Variants in SLC16A10 observed in about 807,000 individuals in gnomAD.
SLC16A10 encodes solute carrier family 16 member 10, also known as monocarboxylate transporter 10.
A neutral mutation model predicts 40.0 loss-of-function variants in SLC16A10; 27 were observed. The ratio of observed to expected loss-of-function variants is 0.67; its 90% CI spans 0.50 to 0.93. The LOEUF (loss-of-function observed/expected upper bound fraction) is 0.93, where lower values mean the gene tolerates loss of function less well. Among genes scored for constraint, SLC16A10 ranks in the 40% least tolerant of loss-of-function variants. SLC16A10 has a pLI of 0.00. For synonymous variants in SLC16A10, 213 were observed against 249.8 expected (o/e 0.85, Z 1.39); for missense variants, 529 against 658.2 (o/e 0.80, Z 2.15).
chr6:111,101,405 A>G (rs11759794), intron 1 of SLC16A10, among the ~76,000 whole-genome samples: 30 of 152,192 alleles, frequency 2.0e-4, no homozygotes, highest in South Asian at 4.2e-4. Flanking sequence ...GTAATCTGGT[A>G]CAGACACCTG....
At chr6:111,132,349 G>A (rs543491793) in intron 1 of SLC16A10, among the ~76,000 whole-genome samples, 2 of 152,304 alleles carry the variant, frequency 1.3e-5, no homozygotes, top group Admixed American at 1.3e-4. Context: ...ATTGATAATT[G>A]AAGGTCTTCT....
intron 1 of SLC16A10, among the ~76,000 whole-genome samples, chr6:111,100,561 G>A (rs1352366070): frequency 6.6e-6 from 1 of 151,932 alleles, no homozygotes; most frequent in Non-Finnish European, 1.5e-5. Context: ...GCTAATTTTT[G>A]TATTTTTAGT....
chr6:111,127,453 T>C (rs186605288), intron 1 of SLC16A10, among the ~76,000 whole-genome samples: 246 of 152,262 alleles, frequency 1.6e-3, no homozygotes, highest in Non-Finnish European at 3.0e-3. Flanking sequence ...TGTGTAGGGT[T>C]TGTAGGCCAG....
chr6:111,193,181 A>C, intron 3 of SLC16A10: 1 of 446,470 alleles, frequency 2.2e-6, no homozygotes, highest in Non-Finnish European at 3.0e-6. Flanking sequence ...AATGATTAAG[A>C]CACCTTCTCT....
At chr6:111,097,128 CAG>C (rs1238261498) in intron 1 of SLC16A10, among the ~76,000 whole-genome samples, 2 of 151,906 alleles carry the variant, frequency 1.3e-5, no homozygotes, top group African/African-American at 2.4e-5. Context: ...GGCCCCAAAA[CAG>C]TGTTTGTAAC....
intron 4 of SLC16A10, among the ~76,000 whole-genome samples, chr6:111,209,620 G>T (rs1773314253): frequency 6.6e-6 from 1 of 152,132 alleles, no homozygotes; most frequent in Admixed American, 6.6e-5. Flanking sequence ...AGAGGCCTGT[G>T]GGTTAGGAAG....
At chr6:111,214,279 C>T (rs988516881) in intron 4 of SLC16A10, among the ~76,000 whole-genome samples, 1 of 152,134 alleles carries the variant, frequency 6.6e-6, no homozygotes, top group African/African-American at 2.4e-5. Flanking sequence ...AAATAAGGAG[C>T]CTGTGAATTC....
intron 3 of SLC16A10, among the ~76,000 whole-genome samples, chr6:111,183,628 T>TTA (rs1347262372): frequency 6.6e-6 from 1 of 152,358 alleles, no homozygotes; most frequent in Non-Finnish European, 1.5e-5. Context: ...GGACATGGTG[T>TTA]TATTAATATT....
chr6:111,153,231 C>T (rs1329961191), intron 1 of SLC16A10, among the ~76,000 whole-genome samples: 1 of 152,050 alleles, frequency 6.6e-6, no homozygotes. Context: ...GGTGCACTGG[C>T]AAGAAATTAT....
At chr6:111,221,235 G>A (rs766852512) in intron 5 of SLC16A10, among the ~76,000 whole-genome samples, 8 of 152,142 alleles carry the variant, frequency 5.3e-5, no homozygotes, top group Non-Finnish European at 1.0e-4. Flanking sequence ...GTTGAGTACC[G>A]TAAAAGTTTT....
chr6:111,151,891 C>T (rs952448788), intron 1 of SLC16A10, among the ~76,000 whole-genome samples: 5 of 152,152 alleles, frequency 3.3e-5, no homozygotes, highest in African/African-American at 1.2e-4. Flanking sequence ...TTTCCCTGCC[C>T]ATCTGGGCTG....
In SLC16A10 at chr6:111,212,089, G is replaced by A. The variant is rs565469698; in HGVS notation, c.1086+5354G>A. ...CACAGACACACTTCATAGCCCTCCC[G>A]CATGGTCTAGTTTCAGATCATGGTA... On this transcript the variant is annotated intron_variant, in intron 4 of 5. Coordinates refer to ENST00000368851, the MANE Select transcript of SLC16A10 (RefSeq NM_018593.5). 6.6e-5 allele frequency among the ~76,000 whole-genome samples: 10 copies of A among 152,266 alleles called. No individual in the cohort carries two copies. The South Asian group carries it at 1.0e-3, about 16-fold the overall frequency.
chr6:111,101,266 A>T (rs1771183721), intron 1 of SLC16A10, among the ~76,000 whole-genome samples: 1 of 151,898 alleles, frequency 6.6e-6, no homozygotes, highest in Non-Finnish European at 1.5e-5. Flanking sequence ...TCCTTGGCTC[A>T]AGCAATCTGT....
intron 5 of SLC16A10, among the ~76,000 whole-genome samples, chr6:111,221,125 T>G (rs2114596704): frequency 6.6e-6 from 1 of 152,360 alleles, no homozygotes; most frequent in Non-Finnish European, 1.5e-5. Flanking sequence ...CTGGACATTT[T>G]AGATAACTTA....
intron 4 of SLC16A10, among the ~76,000 whole-genome samples, chr6:111,211,849 C>G (rs1773351023): frequency 6.6e-6 from 1 of 152,242 alleles, no homozygotes; most frequent in Admixed American, 6.5e-5. Context: ...TTGTTCCTTC[C>G]TTTTTCTCCA....
intron 3 of SLC16A10, 51 bp downstream of exon 3, chr6:111,177,716 A>C (rs759031272): frequency 1.4e-6 from 2 of 1,428,572 alleles, no homozygotes; most frequent in South Asian, 1.7e-5. Flanking sequence ...ATAAAGAAAA[A>C]CTTCTTTGAA....
At chr6:111,117,394 A>T (rs996786108) in intron 1 of SLC16A10, among the ~76,000 whole-genome samples, 8 of 150,436 alleles carry the variant, frequency 5.3e-5, no homozygotes, top group Non-Finnish European at 1.0e-4. Context: ...GGTCAAAGCC[A>T]ATGTGCACGT....
At chr6:111,105,640 G>A (rs983473435) in intron 1 of SLC16A10, among the ~76,000 whole-genome samples, 4 of 152,192 alleles carry the variant, frequency 2.6e-5, no homozygotes, top group African/African-American at 7.2e-5. Flanking sequence ...CACACACTGA[G>A]CAGTGAGACT....
At chr6:111,172,212 C>A (rs1772598416) in intron 1 of SLC16A10, among the ~76,000 whole-genome samples, 1 of 152,190 alleles carries the variant, frequency 6.6e-6, no homozygotes, top group African/African-American at 2.4e-5. Context: ...GAATATGACT[C>A]ATGTCTGTTT....
Sources: allele counts gnomAD v4.1 joint callset (sites outside exome capture counted in the v4.1 genomes callset), GRCh38; gene constraint gnomAD v4.1.1; transcripts MANE v1.5; gene names NCBI Gene and HGNC (gene_info 2026-07-23, HGNC 2026-07-21).